Variants in MEIS1 observed in about 807,000 individuals in gnomAD.
MEIS1 encodes the protein Meis homeobox 1.
Under a neutral mutation model 50.8 loss-of-function variants are expected in MEIS1, and 5 were observed. The ratio of observed to expected loss-of-function variants is 0.10; its 90% CI spans 0.05 to 0.21. MEIS1 has a LOEUF of 0.21. Ranked by LOEUF, MEIS1 falls within the 10% of genes least tolerant of loss-of-function variation. The pLI is 1.00. For missense variants in MEIS1, 318 were observed against 517.3 expected (o/e 0.61, Z 3.74); for synonymous variants, 176 against 179.3 (o/e 0.98, Z 0.15).
rs60029625 is a variant in MEIS1 at position 66,485,081 on chromosome 2, TTA to T, written c.742+20872_742+20873del. Among the ~76,000 whole-genome samples, 105 of 151,948 alleles carry T rather than the reference TTA, an allele frequency of 6.9e-4. 1 individual carries two copies. The South Asian group carries it at 0.022, about 31-fold the overall frequency. ...TAACCATTTTTTCTTTATTGTTGGC[TTA>T]TATATATATACACATATGATTTTTT... On this transcript the variant is annotated intron_variant, in intron 7 of 12. Coordinates refer to ENST00000272369, the MANE Select transcript of MEIS1 (RefSeq NM_002398.3).
intron 5 of MEIS1, 33 bp from the exon 6 acceptor site, chr2:66,442,869 T>C (rs1478406080): frequency 3.8e-6 from 6 of 1,563,652 alleles, no homozygotes; most frequent in Non-Finnish European, 5.2e-6. Context: ...CTCCTGATTA[T>C]ATTCCCATTT....
chr2:66,525,892 T>G (rs1046542559), intron 8 of MEIS1, among the ~76,000 whole-genome samples: 9 of 152,378 alleles, frequency 5.9e-5, no homozygotes, highest in Middle Eastern at 3.4e-3. Flanking sequence ...CCTAGACTCC[T>G]GCAGAGGCTC....
chr2:66,515,169 G>A (rs1049579474), intron 8 of MEIS1, among the ~76,000 whole-genome samples: 4 of 152,020 alleles, frequency 2.6e-5, no homozygotes, highest in Admixed American at 1.3e-4. Context: ...TTGAAATTCT[G>A]GCTAATTAAA....
rs183635971 is a variant in MEIS1 at position 66,558,028 on chromosome 2, C to T, written c.966-9425C>T. ...GGCACAGTGGCTCACGCCTGTAATCCCAGCATTTTGGGAGGCCGAGGGAGG... is the reference window on the plus strand; with the variant it reads ...GGCACAGTGGCTCACGCCTGTAATCTCAGCATTTTGGGAGGCCGAGGGAGG... On this transcript the variant is annotated intron_variant, in intron 9 of 12. Coordinates refer to ENST00000272369, the MANE Select transcript of MEIS1 (RefSeq NM_002398.3). Among the ~76,000 whole-genome samples the T allele has an allele frequency of 3.9e-5, 6 of 152,034 alleles. No homozygotes were observed. In the East Asian group the frequency reaches 1.2e-3, roughly 29 times the overall value.
At position 66,503,413 on chromosome 2, in the gene MEIS1, G is replaced by A. The variant is rs190749685; in HGVS notation, c.743-8736G>A. Among the ~76,000 whole-genome samples the A allele has an allele frequency of 4.0e-3, 609 of 152,208 alleles. 1 individual carries two copies. The highest frequency in any genetic ancestry group is 5.5e-3 in the Non-Finnish European group (376 of 68,024). ...TGCCCTTTTAGGCTGCCCACTACAC[G>A]TAGTTGACTTTTCTCCGCCCTTTAG... On this transcript the variant is annotated intron_variant, in intron 7 of 12. Coordinates refer to ENST00000272369, the MANE Select transcript of MEIS1 (RefSeq NM_002398.3).
At chr2:66,520,686 A>T (rs1674095479) in intron 8 of MEIS1, among the ~76,000 whole-genome samples, 1 of 152,248 alleles carries the variant, frequency 6.6e-6, no homozygotes, top group Non-Finnish European at 1.5e-5. Flanking sequence ...AATTTATTGT[A>T]ATGCTAAATA....
At chr2:66,453,405 G>C (rs1672318223) in intron 6 of MEIS1, among the ~76,000 whole-genome samples, 1 of 151,964 alleles carries the variant, frequency 6.6e-6, no homozygotes, top group Non-Finnish European at 1.5e-5. Context: ...CTTACTTCTG[G>C]AATTCACAGT....
At chr2:66,544,991 T>G (rs911109431) in intron 8 of MEIS1, among the ~76,000 whole-genome samples, 3 of 152,170 alleles carry the variant, frequency 2.0e-5, no homozygotes, top group Non-Finnish European at 4.4e-5. Flanking sequence ...TCCATTTGCT[T>G]TGTAAGAATG....
chr2:66,544,491 G>T (rs1674739970), intron 8 of MEIS1, among the ~76,000 whole-genome samples: 1 of 152,036 alleles, frequency 6.6e-6, no homozygotes, highest in Non-Finnish European at 1.5e-5. Context: ...GGACACTAAG[G>T]CCAAGAACTA....
At chr2:66,566,999 A>G (rs998361602) in intron 9 of MEIS1, among the ~76,000 whole-genome samples, 1 of 152,168 alleles carries the variant, frequency 6.6e-6, no homozygotes, top group African/African-American at 2.4e-5. Flanking sequence ...TAGGTTTGCA[A>G]GAGGTAGGGG....
chr2:66,517,318 G>T (rs1301394191), intron 8 of MEIS1, among the ~76,000 whole-genome samples: 1 of 152,184 alleles, frequency 6.6e-6, no homozygotes, highest in Non-Finnish European at 1.5e-5. Context: ...GGCTTGTGGA[G>T]ATAGCAGGTA....
intron 7 of MEIS1, among the ~76,000 whole-genome samples, chr2:66,476,554 T>C (rs1351750084): frequency 6.6e-6 from 1 of 152,196 alleles, no homozygotes; most frequent in Non-Finnish European, 1.5e-5. Context: ...CAGTTTAGTA[T>C]ATCATAGGTT....
chr2:66,563,995 G>A (rs1471271690), intron 9 of MEIS1, among the ~76,000 whole-genome samples: 1 of 152,138 alleles, frequency 6.6e-6, no homozygotes, highest in Non-Finnish European at 1.5e-5. Flanking sequence ...TGTCCATCAT[G>A]ACCCCAAATA....
chr2:66,520,706 TATG>T (rs1399634195), intron 8 of MEIS1, among the ~76,000 whole-genome samples: 1 of 152,208 alleles, frequency 6.6e-6, no homozygotes, highest in Non-Finnish European at 1.5e-5. Context: ...AAAAATGTAA[TATG>T]TATGTATGTA....
At chr2:66,442,716 C>T in intron 5 of MEIS1, 186 bp from the exon 6 acceptor site, 2 of 539,286 alleles carry the variant, frequency 3.7e-6, no homozygotes, top group Non-Finnish European at 3.2e-6. Context: ...TCTGGGATAT[C>T]TCTATTTTGC....
chr2:66,486,010 T>G (rs1673134461), intron 7 of MEIS1, among the ~76,000 whole-genome samples: 1 of 152,246 alleles, frequency 6.6e-6, no homozygotes, highest in Admixed American at 6.5e-5. Flanking sequence ...CTTTGTCAGA[T>G]GGATAGATTG....
intron 7 of MEIS1, among the ~76,000 whole-genome samples, chr2:66,481,068 A>G (rs1414370385): frequency 6.6e-6 from 1 of 152,124 alleles, no homozygotes; most frequent in African/African-American, 2.4e-5. Context: ...TTGATGTGGT[A>G]GAAATGAGCA....
chr2:66,521,039 A>G (rs1360306829), intron 8 of MEIS1, among the ~76,000 whole-genome samples: 1 of 152,250 alleles, frequency 6.6e-6, no homozygotes, highest in Non-Finnish European at 1.5e-5. Flanking sequence ...AAACTTCATA[A>G]TGCAATCTGA....
intron 7 of MEIS1, among the ~76,000 whole-genome samples, chr2:66,497,307 C>T (rs1431661468): frequency 6.6e-6 from 1 of 152,096 alleles, no homozygotes. Flanking sequence ...AGCCTATTTC[C>T]TTATCTGTGC....
Sources: allele counts gnomAD v4.1 joint callset (sites outside exome capture counted in the v4.1 genomes callset), GRCh38; gene constraint gnomAD v4.1.1; transcripts MANE v1.5; gene names NCBI Gene and HGNC (gene_info 2026-07-23, HGNC 2026-07-21).